Variants in EYS observed in about 807,000 individuals in gnomAD.
EYS encodes the protein EGF-like photoreceptor maintenance factor.
Under a neutral mutation model 282.1 loss-of-function variants are expected in EYS, and 250 were observed. The observed-to-expected ratio is 0.89, with a 90% CI of 0.80 to 0.98. The LOEUF is 0.98. Ranked by LOEUF, EYS falls within the 50% of genes least tolerant of loss-of-function variation. EYS has a pLI of 0.00. For synonymous variants in EYS, 1,355 were observed against 1,282.9 expected (o/e 1.06, Z -1.20); for missense variants, 4,016 against 3,709.0 (o/e 1.08, Z -2.15).
chr6:65,133,378 C>T (rs749711268), intron 12 of EYS, among the ~76,000 whole-genome samples: 1 of 151,948 alleles, frequency 6.6e-6, no homozygotes, highest in Non-Finnish European at 1.5e-5. Flanking sequence ...TCAAACTATA[C>T]TACAGGGCAA....
rs1769100568 is a variant in EYS, at chr6:64,941,820, A to G, written c.2381+3973T>C. Among the ~76,000 whole-genome samples the G allele has an allele frequency of 6.6e-5, 10 of 152,150 alleles. No homozygotes were observed. In the South Asian group the frequency reaches 2.1e-3, roughly 31 times the overall value. The stretch of plus-strand genomic sequence containing the variant: ...CTTCTTCATGGCTGCATAGTAGTCC[A>G]TGGTGTATATGAACCACATTTTCTT... On this transcript the variant is annotated intron_variant, in intron 15 of 42. Coordinates refer to ENST00000503581, the MANE Select transcript of EYS (RefSeq NM_001142800.2).
intron 24 of EYS, among the ~76,000 whole-genome samples, chr6:64,598,640 A>T (rs753648009): frequency 9.9e-5 from 15 of 152,170 alleles, no homozygotes; most frequent in Non-Finnish European, 1.5e-4. Context: ...TTTCTTGTGG[A>T]CATTGTATAG....
At chr6:64,296,619 TTTTTTG>T (rs1196404181) in intron 30 of EYS, among the ~76,000 whole-genome samples, 6 of 14,900 alleles carry the variant, frequency 4.0e-4, no homozygotes, top group African/African-American at 9.3e-4. Context: ...TTTTTTTTTT[TTTTTTG>T]AGACGGAATC....
intron 15 of EYS, among the ~76,000 whole-genome samples, chr6:64,941,888 C>CT (rs1769102899): frequency 6.6e-6 from 1 of 152,018 alleles, no homozygotes; most frequent in Non-Finnish European, 1.5e-5. Flanking sequence ...AGTTCTATGT[C>CT]TTTGCTATGG....
intron 31 of EYS, among the ~76,000 whole-genome samples, chr6:64,138,778 A>G (rs1774245044): frequency 2.6e-5 from 4 of 152,202 alleles, no homozygotes; most frequent in Admixed American, 2.6e-4. Flanking sequence ...GATAGCATCA[A>G]ATGAGAGGTT....
At chr6:65,483,077 C>T (rs944970261) in intron 5 of EYS, among the ~76,000 whole-genome samples, 7 of 152,056 alleles carry the variant, frequency 4.6e-5, no homozygotes, top group African/African-American at 1.2e-4. Flanking sequence ...ATAAATCTTA[C>T]ATAACATTTC....
At chr6:64,887,733 C>T (rs571912971) in intron 18 of EYS, among the ~76,000 whole-genome samples, 19 of 152,132 alleles carry the variant, frequency 1.2e-4, no homozygotes, top group African/African-American at 4.3e-4. Context: ...GTCATGTACC[C>T]ATATTCAAGT....
rs111618785 is a variant in EYS at position 64,526,522 on chromosome 6, C to T, written c.5644+63701G>A. Among the ~76,000 whole-genome samples, 10 of 151,822 alleles carry T rather than the reference C, an allele frequency of 6.6e-5. 1 individual carries two copies. The highest frequency in any genetic ancestry group is 5.8e-4 in the East Asian group (3 of 5,160). On this transcript the variant is annotated intron_variant, in intron 26 of 42. Transcript: ENST00000503581. ...AATATAGATTATGACCAAATTGTTA[C>T]ATATTGACCATTTAACATAGGTTGT...
chr6:64,214,519 GA>G (rs1163607175), intron 31 of EYS, among the ~76,000 whole-genome samples: 1 of 152,102 alleles, frequency 6.6e-6, no homozygotes, highest in Non-Finnish European at 1.5e-5. Context: ...ATAGCAGTAG[GA>G]AGAAATATAT....
intron 37 of EYS, among the ~76,000 whole-genome samples, chr6:63,801,548 T>A (rs1179037747): frequency 6.6e-6 from 1 of 152,164 alleles, no homozygotes; most frequent in African/African-American, 2.4e-5. Flanking sequence ...CATGTATTCA[T>A]CTGTGGACTA....
chr6:63,746,812 T>TC (rs1270261598), intron 41 of EYS, among the ~76,000 whole-genome samples: 1 of 152,170 alleles, frequency 6.6e-6, no homozygotes, highest in African/African-American at 2.4e-5. Context: ...TTGATTCTTC[T>TC]CTTTTTTTTC....
At chr6:64,663,612 C>G (rs1233408525) in intron 22 of EYS, among the ~76,000 whole-genome samples, 1 of 152,164 alleles carries the variant, frequency 6.6e-6, no homozygotes, top group Non-Finnish European at 1.5e-5. Flanking sequence ...CTGCAATTCT[C>G]TCATGAGTAT....
At chr6:63,903,867 C>T (rs1051635065) in intron 35 of EYS, among the ~76,000 whole-genome samples, 2 of 152,188 alleles carry the variant, frequency 1.3e-5, no homozygotes, top group African/African-American at 4.8e-5. Flanking sequence ...TTTAGTCTCA[C>T]TGTGTGAGAA....
At chr6:64,032,924 T>A (rs997657353) in intron 33 of EYS, among the ~76,000 whole-genome samples, 1 of 152,120 alleles carries the variant, frequency 6.6e-6, no homozygotes, top group Non-Finnish European at 1.5e-5. Context: ...CATAATTGAG[T>A]AAATCATTGG....
chr6:65,452,131 C>G (rs1382535178), intron 5 of EYS, among the ~76,000 whole-genome samples: 1 of 151,638 alleles, frequency 6.6e-6, no homozygotes, highest in Non-Finnish European at 1.5e-5. Context: ...TGACCTCACA[C>G]TTAGTGTGAA....
intron 26 of EYS, among the ~76,000 whole-genome samples, chr6:64,522,840 G>A (rs1297765665): frequency 6.6e-6 from 1 of 151,764 alleles, no homozygotes; most frequent in East Asian, 1.9e-4. Context: ...GTATCTGAAT[G>A]CCAAGTTCTC....
At chr6:65,128,967 A>G (rs1371097689) in intron 12 of EYS, among the ~76,000 whole-genome samples, 1 of 151,980 alleles carries the variant, frequency 6.6e-6, no homozygotes, top group Non-Finnish European at 1.5e-5. Flanking sequence ...CAATAGACAC[A>G]TAGACCAATG....
At chr6:64,738,775 A>G (rs1296416496) in intron 22 of EYS, among the ~76,000 whole-genome samples, 1 of 152,182 alleles carries the variant, frequency 6.6e-6, no homozygotes, top group Non-Finnish European at 1.5e-5. Context: ...AATTTTTTTT[A>G]AGATGTAATT....
At chr6:64,100,231 T>C (rs1261970017) in intron 31 of EYS, among the ~76,000 whole-genome samples, 1 of 152,188 alleles carries the variant, frequency 6.6e-6, no homozygotes, top group Non-Finnish European at 1.5e-5. Context: ...GCTTTGTCTC[T>C]CTCTGCTACA....
Sources: gnomAD v4.1 joint callset for allele counts (sites outside exome capture counted in the v4.1 genomes callset) on GRCh38, gnomAD v4.1.1 for gene constraint, MANE v1.5 for transcripts, NCBI Gene and HGNC (gene_info 2026-07-23, HGNC 2026-07-21) for gene names.